Variants in PTPRN2 observed in about 807,000 individuals in gnomAD.
PTPRN2 encodes the protein protein tyrosine phosphatase receptor type N2.
Under a neutral mutation model 118.8 loss-of-function variants are expected in PTPRN2, and 74 were observed. The ratio of observed to expected loss-of-function variants is 0.62; its 90% CI spans 0.52 to 0.76. The LOEUF (loss-of-function observed/expected upper bound fraction) is 0.76, where lower values mean the gene tolerates loss of function less well. Among genes scored for constraint, PTPRN2 ranks in the 30% least tolerant of loss-of-function variants. PTPRN2 has a pLI of 0.00. For missense variants in PTPRN2, 1,481 were observed against 1,394.4 expected, an observed-to-expected ratio of 1.06 and a Z score of -0.99; for synonymous variants, 641 against 608.0, an observed-to-expected ratio of 1.05 and a Z score of -0.80.
At chr7:158,502,438 C>A (rs1438378957) in intron 1 of PTPRN2, among the ~76,000 whole-genome samples, 1 of 152,228 alleles carries the variant, frequency 6.6e-6, no homozygotes, top group Non-Finnish European at 1.5e-5. Flanking sequence ...CAGGTGCCCA[C>A]CAGAACACTG....
chr7:158,212,696 T>C (rs985940469), intron 3 of PTPRN2, among the ~76,000 whole-genome samples: 5 of 151,960 alleles, frequency 3.3e-5, no homozygotes, highest in African/African-American at 1.2e-4. Flanking sequence ...ATACTCCTCA[T>C]CCACAATAAG....
At chr7:158,539,204 A>G (rs59767285) in intron 1 of PTPRN2, among the ~76,000 whole-genome samples, 4,194 of 152,318 alleles carry the variant, frequency 0.028, 180 homozygotes, top group African/African-American at 0.089. Flanking sequence ...CCAATGAGTC[A>G]GAGAATCTTT....
In PTPRN2 at chr7:157,785,381, C is replaced by T. The variant is rs1418246768; in HGVS notation, c.1789-102444G>A. Among the ~76,000 whole-genome samples, 5 of 152,178 alleles carry T rather than the reference C, an allele frequency of 3.3e-5. No homozygotes were observed. The highest frequency in any genetic ancestry group is 7.2e-5 in the African/African-American group (3 of 41,450). On this transcript the variant is annotated intron_variant, in intron 12 of 22. Coordinates refer to ENST00000389418, the MANE Select transcript of PTPRN2 (RefSeq NM_002847.5). This position sits in a 1 kb window ranked among gnomAD's most constrained non-coding sequence, Gnocchi z 7.3. ...GAAAACAGACCACGGTGCTCCAAAA[C>T]GAAATCGCCCCCGAGGATGAAAGGG...
intron 3 of PTPRN2, among the ~76,000 whole-genome samples, chr7:158,262,104 G>A (rs915627081): frequency 6.6e-5 from 10 of 152,162 alleles, no homozygotes; most frequent in Admixed American, 4.6e-4. Context: ...TCCAGCAGGG[G>A]ATGTTAAGGG....
chr7:158,552,481 GGGCTGGAGTGTA>G (rs1826726786), intron 1 of PTPRN2, among the ~76,000 whole-genome samples: 2 of 152,250 alleles, frequency 1.3e-5, no homozygotes, highest in Admixed American at 1.3e-4. Flanking sequence ...GCTGGAGTGC[GGGCTGGAGTGTA>G]GGCTGGAGTG....
intron 12 of PTPRN2, among the ~76,000 whole-genome samples, chr7:157,721,560 C>T (rs200592708): frequency 2.0e-5 from 3 of 152,208 alleles, no homozygotes; most frequent in Admixed American, 6.5e-5. Flanking sequence ...GCCACAGCAC[C>T]GCTGTCTGTT....
At chr7:158,356,992 TC>T (rs1808439826) in intron 2 of PTPRN2, among the ~76,000 whole-genome samples, 1 of 152,116 alleles carries the variant, frequency 6.6e-6, no homozygotes, top group South Asian at 2.1e-4. Flanking sequence ...GCGGCCTCCG[TC>T]TGGCTACCAG....
chr7:158,355,989 A>G (rs541542491), intron 2 of PTPRN2, among the ~76,000 whole-genome samples: 2 of 152,346 alleles, frequency 1.3e-5, no homozygotes, highest in South Asian at 2.1e-4. Context: ...ATGGGCCCAC[A>G]GTGATTGAGC....
chr7:158,199,665 A>AGCCAG (rs200532712), intron 4 of PTPRN2, among the ~76,000 whole-genome samples: 27,816 of 152,142 alleles, frequency 0.18, 3,016 homozygotes, highest in Non-Finnish European at 0.25. Flanking sequence ...ATACACATGG[A>AGCCAG]GTGGAGAAAG....
At chr7:157,959,947 G>C (rs1357391356) in intron 11 of PTPRN2, among the ~76,000 whole-genome samples, 2 of 152,192 alleles carry the variant, frequency 1.3e-5, no homozygotes, top group East Asian at 3.8e-4. Context: ...CCCATCAGGG[G>C]AAGAACAGAT....
intron 1 of PTPRN2, among the ~76,000 whole-genome samples, chr7:158,504,382 GT>G (rs1046535034): frequency 2.6e-5 from 4 of 151,762 alleles, no homozygotes; most frequent in African/African-American, 9.7e-5. Context: ...AGTCTGTGTC[GT>G]TCCCCCCCCA....
intron 9 of PTPRN2, among the ~76,000 whole-genome samples, chr7:158,112,876 G>A (rs1172545705): frequency 2.0e-5 from 3 of 152,142 alleles, no homozygotes; most frequent in Admixed American, 6.5e-5. Flanking sequence ...CAGGCTGGGT[G>A]CTGGGGGCAG....
At chr7:157,726,986 A>G (rs1799638846) in intron 12 of PTPRN2, among the ~76,000 whole-genome samples, 1 of 151,560 alleles carries the variant, frequency 6.6e-6, no homozygotes, top group Non-Finnish European at 1.5e-5. Context: ...ACTCTTACCG[A>G]AAAAAACAGA....
chr7:157,882,158 C>T (rs1796170143), intron 12 of PTPRN2, among the ~76,000 whole-genome samples: 1 of 152,006 alleles, frequency 6.6e-6, no homozygotes, highest in Non-Finnish European at 1.5e-5. Flanking sequence ...GAACATGCCA[C>T]CCCAAAAATG....
intron 12 of PTPRN2, among the ~76,000 whole-genome samples, chr7:157,882,716 CA>C (rs1479303318): frequency 2.1e-5 from 3 of 144,628 alleles, no homozygotes; most frequent in East Asian, 2.2e-4. Context: ...TACACCACCC[CA>C]AAAAACTGTT....
At chr7:158,392,409 A>G (rs1811999485) in intron 2 of PTPRN2, among the ~76,000 whole-genome samples, 1 of 152,214 alleles carries the variant, frequency 6.6e-6, no homozygotes, top group East Asian at 1.9e-4. Flanking sequence ...GTCAGCTCAC[A>G]CGAGGAGAGG....
Position 157,960,250 on chromosome 7 carries a change from T to C in PTPRN2, c.1724-61513A>G, listed in dbSNP as rs184776113. Among the ~76,000 whole-genome samples, 392 of 152,190 alleles carry C rather than the reference T, an allele frequency of 2.6e-3. 2 individuals carry two copies. The highest frequency in any genetic ancestry group is 8.6e-3 in the African/African-American group (357 of 41,530). The stretch of plus-strand genomic sequence containing the variant: ...AAAATGAACAAGTTTTGGAGATGGA[T>C]GGTGGAGATGGTTGCATGACACTGT... On this transcript the variant is annotated intron_variant, in intron 11 of 22. Coordinates refer to ENST00000389418, the MANE Select transcript of PTPRN2 (RefSeq NM_002847.5).
At chr7:158,301,698 C>G (rs1800902949) in intron 3 of PTPRN2, among the ~76,000 whole-genome samples, 1 of 152,180 alleles carries the variant, frequency 6.6e-6, no homozygotes, top group African/African-American at 2.4e-5. Context: ...CCTATAATCC[C>G]AGAACTTTGG....
intron 2 of PTPRN2, among the ~76,000 whole-genome samples, chr7:158,367,332 T>C (rs1809617842): frequency 6.6e-6 from 1 of 152,232 alleles, no homozygotes; most frequent in African/African-American, 2.4e-5. Flanking sequence ...CTCCAAGTCC[T>C]GTGTTCTCAC....
Sources: allele counts gnomAD v4.1 joint callset (sites outside exome capture counted in the v4.1 genomes callset), GRCh38; gene constraint gnomAD v4.1.1; non-coding constraint Gnocchi (gnomAD v3.1); transcripts MANE v1.5; gene names NCBI Gene and HGNC (gene_info 2026-07-23, HGNC 2026-07-21).